Variants in CYRIA observed in about 807,000 individuals in gnomAD.
CYRIA encodes the protein CYFIP related Rac1 interactor A, also known as CYFIP-related Rac1 interactor A.
A neutral mutation model predicts 43.9 loss-of-function variants in CYRIA; 15 were observed. The observed-to-expected ratio is 0.34, with a 90% confidence interval of 0.23 to 0.53. The LOEUF (loss-of-function observed/expected upper bound fraction) is 0.53, where lower values mean the gene tolerates loss of function less well. Ranked by LOEUF, CYRIA falls within the 20% of genes least tolerant of loss-of-function variation. The probability of loss-of-function intolerance (pLI) is 0.94; values close to 1 mark genes in which losing one functional copy is unlikely to be tolerated. For missense variants in CYRIA, 236 were observed against 394.2 expected (o/e 0.60, Z 3.40); for synonymous variants, 117 against 136.0 (o/e 0.86, Z 0.97).
intron 3 of CYRIA, among the ~76,000 whole-genome samples, chr2:16,566,522 G>A (rs1036532033): frequency 6.6e-6 from 1 of 152,170 alleles, no homozygotes; most frequent in African/African-American, 2.4e-5. Context: ...CATTGAACCT[G>A]ATCTCATGTT....
chr2:16,610,135 C>A (rs1031737704), intron 2 of CYRIA, among the ~76,000 whole-genome samples: 1 of 152,224 alleles, frequency 6.6e-6, no homozygotes, highest in African/African-American at 2.4e-5. Context: ...CTGTGCTAGG[C>A]ATTGTGCTAA....
intron 1 of CYRIA, among the ~76,000 whole-genome samples, chr2:16,636,940 T>C (rs1211931339): frequency 2.0e-5 from 3 of 152,118 alleles, no homozygotes; most frequent in African/African-American, 7.2e-5. Context: ...CATGCCTCTG[T>C]ACTCCAGCCT....
chr2:16,606,825 A>C (rs191901735), intron 2 of CYRIA, among the ~76,000 whole-genome samples: 119 of 152,258 alleles, frequency 7.8e-4, no homozygotes, highest in African/African-American at 2.7e-3. Flanking sequence ...GAGTTTTCTT[A>C]AACTGGAGCT....
intron 10 of CYRIA, among the ~76,000 whole-genome samples, chr2:16,557,130 A>G (rs1408837830): frequency 6.6e-6 from 1 of 152,192 alleles, no homozygotes; most frequent in East Asian, 1.9e-4. Context: ...CATCTCCCCA[A>G]ACCCTCCTTT....
intron 2 of CYRIA, among the ~76,000 whole-genome samples, chr2:16,600,867 T>C (rs1355509930): frequency 1.3e-5 from 2 of 152,196 alleles, no homozygotes; most frequent in African/African-American, 2.4e-5. Flanking sequence ...TTCGAATGGC[T>C]AAACAATTTT....
intron 2 of CYRIA, among the ~76,000 whole-genome samples, chr2:16,602,369 T>C (rs1415378893): frequency 6.6e-6 from 1 of 152,178 alleles, no homozygotes; most frequent in African/African-American, 2.4e-5. Context: ...ATCCAATTTT[T>C]TTTTTGGCAA....
chr2:16,652,796 CT>C (rs989562681), intron 1 of CYRIA, among the ~76,000 whole-genome samples: 1 of 152,166 alleles, frequency 6.6e-6, no homozygotes, highest in African/African-American at 2.4e-5. Flanking sequence ...AAGAAGCCCT[CT>C]TCCTCTGGAC....
At chr2:16,567,291 C>T (rs995918691) in intron 3 of CYRIA, among the ~76,000 whole-genome samples, 5 of 152,082 alleles carry the variant, frequency 3.3e-5, no homozygotes, top group African/African-American at 1.2e-4. Flanking sequence ...GTAGTCTCAG[C>T]TACTTGGGAG....
chr2:16,603,376 A>C (rs988998489), intron 2 of CYRIA, among the ~76,000 whole-genome samples: 1 of 152,224 alleles, frequency 6.6e-6, no homozygotes, highest in Non-Finnish European at 1.5e-5. Flanking sequence ...CCAGTTTCAG[A>C]GATAAATAAT....
intron 1 of CYRIA, among the ~76,000 whole-genome samples, chr2:16,661,362 GTC>G (rs1433317141): frequency 6.6e-6 from 1 of 152,114 alleles, no homozygotes; most frequent in Non-Finnish European, 1.5e-5. Context: ...TGTTTCTCCT[GTC>G]TCTGTATCCC....
intron 2 of CYRIA, among the ~76,000 whole-genome samples, chr2:16,590,068 GCACACA>G (rs70961461): frequency 1.4e-5 from 2 of 147,700 alleles, no homozygotes; most frequent in Admixed American, 6.7e-5. Flanking sequence ...GGGCATGCAT[GCACACA>G]CACACACACA....
Position 16,630,411 on chromosome 2 carries a change from A to C in CYRIA, c.-166-6392T>G, listed in dbSNP as rs1185308308. Among the ~76,000 whole-genome samples the C allele has an allele frequency of 2.0e-5, 3 of 152,256 alleles. No homozygotes were observed. In the South Asian group the frequency reaches 6.2e-4, roughly 32 times the overall value. On this transcript the variant is annotated intron_variant, in intron 1 of 11. Transcript: ENST00000381323. Reference sequence around the variant, plus strand: ...ATTGCAAGTGGCAAATGGTAGCAGAACCAGAACAAGAGCCCAGATCTCTAC... The same window carrying C: ...ATTGCAAGTGGCAAATGGTAGCAGACCCAGAACAAGAGCCCAGATCTCTAC...
intron 1 of CYRIA, among the ~76,000 whole-genome samples, chr2:16,647,544 G>A (rs1009560731): frequency 6.6e-6 from 1 of 152,168 alleles, no homozygotes; most frequent in Non-Finnish European, 1.5e-5. Flanking sequence ...GCAAGTGCCA[G>A]TTTCCTTTCT....
intron 3 of CYRIA, among the ~76,000 whole-genome samples, chr2:16,567,312 G>A (rs892410597): frequency 5.3e-5 from 8 of 152,110 alleles, no homozygotes; most frequent in African/African-American, 9.7e-5. Flanking sequence ...GCTGAGGCAG[G>A]AGAATTGCTT....
chr2:16,655,097 G>A (rs558901156), intron 1 of CYRIA, among the ~76,000 whole-genome samples: 3 of 152,184 alleles, frequency 2.0e-5, no homozygotes, highest in Non-Finnish European at 4.4e-5. Context: ...AGAAAAAACA[G>A]GAGATATGCA....
intron 3 of CYRIA, among the ~76,000 whole-genome samples, chr2:16,575,261 G>A (rs1667292189): frequency 6.6e-6 from 1 of 152,174 alleles, no homozygotes; most frequent in Non-Finnish European, 1.5e-5. Context: ...AGGTGGAAGG[G>A]ACTTGCCTTA....
At chr2:16,562,401 T>C (rs911223605) in intron 5 of CYRIA, among the ~76,000 whole-genome samples, 2 of 152,158 alleles carry the variant, frequency 1.3e-5, no homozygotes, top group Non-Finnish European at 2.9e-5. Flanking sequence ...TGGACATATT[T>C]AGTAATCTCA....
rs775165338 is a variant in CYRIA, at chr2:16,650,035, C to A, written c.-167+15745G>T. ...CATGAGCATGACACATTCCAAGAAGCACACACCCCCTCAGCCCAGGTTCCA... is the reference window on the plus strand; with the variant it reads ...CATGAGCATGACACATTCCAAGAAGAACACACCCCCTCAGCCCAGGTTCCA... On this transcript the variant is annotated intron_variant, in intron 1 of 11. Transcript: ENST00000381323. The surrounding 1 kb of genome is among the most constrained non-coding windows in gnomAD (Gnocchi z 4.1). Among the ~76,000 whole-genome samples, 1 of 152,156 alleles carries A rather than the reference C, an allele frequency of 6.6e-6. No individual in the cohort carries two copies. Among genetic ancestry groups the A allele is most frequent in the East Asian group, 1.9e-4 (1 of 5,194 alleles).
At chr2:16,562,923 G>A (rs955244737) in intron 5 of CYRIA, among the ~76,000 whole-genome samples, 1 of 152,142 alleles carries the variant, frequency 6.6e-6, no homozygotes, top group Admixed American at 6.5e-5. Context: ...AGACAGGACG[G>A]CCCACAACTC....
Sources: gnomAD v4.1 joint callset for allele counts (sites outside exome capture counted in the v4.1 genomes callset) on GRCh38, gnomAD v4.1.1 for gene constraint, Gnocchi (gnomAD v3.1) non-coding constraint, MANE v1.5 for transcripts, NCBI Gene and HGNC (gene_info 2026-07-23, HGNC 2026-07-21) for gene names.